LARGE1: variants seen among roughly 807,000 people sequenced by gnomAD.
LARGE1 encodes xylosyl- and glucuronyltransferase LARGE1.
LARGE1 carries 43 observed loss-of-function variants against 87.6 expected under a neutral mutation model. That is an observed-to-expected ratio of 0.49 (90% confidence interval 0.38 to 0.63). The LOEUF (loss-of-function observed/expected upper bound fraction) is 0.63. LARGE1 is among the 30% of genes least tolerant of loss of function. The pLI is 0.00. For synonymous variants in LARGE1, 434 were observed against 394.6 expected (o/e 1.10, Z -1.18); for missense variants, 802 against 1,000.2 (o/e 0.80, Z 2.67).
chr22:33,832,861 A>G (rs1007888767), intron 1 of LARGE1, among the ~76,000 whole-genome samples: 21 of 152,210 alleles, frequency 1.4e-4, no homozygotes, highest in Admixed American at 1.0e-3. Context: ...GTAAGCACTC[A>G]ATAAGTGCTA....
chr22:33,131,528 T>C, the LARGE1 span, among the ~76,000 whole-genome samples: 1 of 152,162 alleles, frequency 6.6e-6, no homozygotes, highest in Non-Finnish European at 1.5e-5. Flanking sequence ...CAGTTCCACA[T>C]GGCTGGGGAG....
intron 1 of LARGE1, among the ~76,000 whole-genome samples, chr22:33,776,572 G>A (rs1347119640): frequency 1.3e-5 from 2 of 152,156 alleles, no homozygotes; most frequent in Non-Finnish European, 2.9e-5. Flanking sequence ...ATGAAGCCCT[G>A]CCTTGGAGTA....
At chr22:33,433,139 C>T (rs1312871368) in intron 6 of LARGE1, among the ~76,000 whole-genome samples, 1 of 152,202 alleles carries the variant, frequency 6.6e-6, no homozygotes, top group Non-Finnish European at 1.5e-5. Flanking sequence ...GCCTAGGAAA[C>T]AGGCTCACAA....
At chr22:33,528,978 T>C (rs2072057790) in intron 6 of LARGE1, among the ~76,000 whole-genome samples, 1 of 152,204 alleles carries the variant, frequency 6.6e-6, no homozygotes, top group South Asian at 2.1e-4. Flanking sequence ...AGACAGTTCA[T>C]GTCATCAGCC....
chr22:33,868,407 A>G (rs2064172479), intron 1 of LARGE1, among the ~76,000 whole-genome samples: 1 of 152,196 alleles, frequency 6.6e-6, no homozygotes. Flanking sequence ...ATGATGTCTA[A>G]GGGTCTTCCT....
At chr22:33,091,048 C>T in the LARGE1 span, among the ~76,000 whole-genome samples, 17 of 152,306 alleles carry the variant, frequency 1.1e-4, no homozygotes, top group East Asian at 2.5e-3. Flanking sequence ...AGCATAATCT[C>T]TCTTCCTCAT....
chr22:33,524,239 T>C (rs5998992), intron 6 of LARGE1, among the ~76,000 whole-genome samples: 2,503 of 149,268 alleles, frequency 0.017, 55 homozygotes, highest in African/African-American at 0.049. Context: ...TGCAGTGAGC[T>C]GAGATTGCGC....
intron 1 of LARGE1, among the ~76,000 whole-genome samples, chr22:33,919,515 G>T (rs999445755): frequency 1.3e-5 from 2 of 152,212 alleles, no homozygotes; most frequent in Admixed American, 1.3e-4. Context: ...CCTAAAGAGG[G>T]ACTCGCAAGC....
At chr22:33,587,599 T>C (rs1320405118) in intron 5 of LARGE1, among the ~76,000 whole-genome samples, 3 of 152,204 alleles carry the variant, frequency 2.0e-5, no homozygotes, top group Non-Finnish European at 4.4e-5. Context: ...TCCTTATGTA[T>C]TACATGCTGT....
At chr22:33,662,961 C>G (rs2081171926) in intron 2 of LARGE1, among the ~76,000 whole-genome samples, 1 of 152,210 alleles carries the variant, frequency 6.6e-6, no homozygotes, top group South Asian at 2.1e-4. Flanking sequence ...TAGTGTCCAA[C>G]CACCCTTTAT....
rs142054831 is a variant in LARGE1 at position 33,713,096 on chromosome 22, A to G, written c.106+48275T>C. On this transcript the variant is annotated intron_variant, in intron 2 of 14. Coordinates refer to ENST00000397394, the MANE Select transcript of LARGE1 (RefSeq NM_133642.5). ...AAGAAGCAGCTCAGTGCTTCATTTC[A>G]TATCTATTTTCTTATAATTAATCAG... Among the ~76,000 whole-genome samples, 16 of 152,284 alleles carry G rather than the reference A, an allele frequency of 1.1e-4. No individual in the cohort carries two copies. The East Asian group carries it at 2.9e-3, about 28-fold the overall frequency.
intron 10 of LARGE1, among the ~76,000 whole-genome samples, chr22:33,319,483 C>T (rs1936508054): frequency 2.0e-5 from 3 of 152,128 alleles, no homozygotes; most frequent in African/African-American, 7.2e-5. Flanking sequence ...GCAACCTCTG[C>T]CTCCCGGGTT....
chr22:33,372,620 C>T (rs879563253), intron 9 of LARGE1, among the ~76,000 whole-genome samples: 3 of 152,012 alleles, frequency 2.0e-5, no homozygotes, highest in Non-Finnish European at 4.4e-5. Flanking sequence ...GGAAACTGCT[C>T]CCATGATTCA....
At chr22:33,338,624 C>CT (rs747589113) in intron 9 of LARGE1, among the ~76,000 whole-genome samples, 30 of 152,234 alleles carry the variant, frequency 2.0e-4, no homozygotes, top group Non-Finnish European at 4.0e-4. Context: ...TCTCATAAAG[C>CT]TTTTTTGAAA....
chr22:33,245,384 G>A (rs993861931), intron 11 of LARGE1, among the ~76,000 whole-genome samples: 16 of 152,214 alleles, frequency 1.1e-4, no homozygotes, highest in African/African-American at 2.4e-4. Context: ...TCACACTGTC[G>A]TCCTCCAAAA....
the LARGE1 span, among the ~76,000 whole-genome samples, chr22:33,150,056 T>C: frequency 1.3e-5 from 2 of 152,228 alleles, no homozygotes; most frequent in African/African-American, 4.8e-5. Context: ...TGGACCCTTC[T>C]GGTCTTAAAG....
At chr22:33,228,964 A>G (rs1925869692) in intron 11 of LARGE1, among the ~76,000 whole-genome samples, 1 of 152,210 alleles carries the variant, frequency 6.6e-6, no homozygotes, top group South Asian at 2.1e-4. Flanking sequence ...TCCATCTATG[A>G]AAAGGAGATA....
chr22:33,681,229 A>C (rs1439792003), intron 2 of LARGE1, among the ~76,000 whole-genome samples: 4 of 152,200 alleles, frequency 2.6e-5, no homozygotes, highest in African/African-American at 9.7e-5. Flanking sequence ...CTGAATATTA[A>C]ATTTTAACAA....
chr22:33,495,113 C>A (rs2070042344), intron 6 of LARGE1, among the ~76,000 whole-genome samples: 1 of 151,462 alleles, frequency 6.6e-6, no homozygotes, highest in African/African-American at 2.4e-5. Flanking sequence ...CACACCCCCA[C>A]CCCCCGGACA....
Sources: allele counts gnomAD v4.1 joint callset (sites outside exome capture counted in the v4.1 genomes callset), GRCh38; gene constraint gnomAD v4.1.1; transcripts MANE v1.5; gene names NCBI Gene and HGNC (gene_info 2026-07-23, HGNC 2026-07-21).